The following TFEC variants were observed in gnomAD, a reference collection of about 807,000 sequenced individuals.
The protein encoded by TFEC is class E basic helix-loop-helix protein 34.
A neutral mutation model predicts 41.6 loss-of-function variants in TFEC; 31 were observed. The ratio of observed to expected loss-of-function variants is 0.74; its 90% CI spans 0.56 to 1.01. The LOEUF is 1.01. Among genes scored for constraint, TFEC ranks in the 50% least tolerant of loss-of-function variants. The probability of loss-of-function intolerance (pLI) is 0.00; values close to 1 mark genes in which losing one functional copy is unlikely to be tolerated. For synonymous variants in TFEC, 143 were observed against 140.6 expected (o/e 1.02, Z -0.12); for missense variants, 402 against 404.1 (o/e 0.99, Z 0.04).
At chr7:116,059,201 T>G (rs1164415016) in intron 3 of TFEC, among the ~76,000 whole-genome samples, 1 of 151,764 alleles carries the variant, frequency 6.6e-6, no homozygotes, top group Non-Finnish European at 1.5e-5. Context: ...GCCACAGATA[T>G]TAAAAGGATG....
chr7:116,135,230 T>C (rs756186984), intron 1 of TFEC, among the ~76,000 whole-genome samples: 9 of 152,112 alleles, frequency 5.9e-5, no homozygotes, highest in Non-Finnish European at 1.3e-4. Flanking sequence ...ATATAATCCA[T>C]GTTAAAGCTC....
At chr7:115,974,853 A>G (rs1793312161) in intron 2 of TFEC, among the ~76,000 whole-genome samples, 1 of 152,000 alleles carries the variant, frequency 6.6e-6, no homozygotes, top group Admixed American at 6.6e-5. Context: ...AAAAACAGCA[A>G]TAATTATGAA....
At chr7:116,057,886 A>C (rs1796466179) in intron 3 of TFEC, among the ~76,000 whole-genome samples, 1 of 151,844 alleles carries the variant, frequency 6.6e-6, no homozygotes, top group South Asian at 2.1e-4. Context: ...GAATTATAGT[A>C]AGTAAGCCAA....
chr7:116,121,036 C>T (rs1178967454), intron 1 of TFEC, among the ~76,000 whole-genome samples: 2 of 151,908 alleles, frequency 1.3e-5, no homozygotes, highest in Non-Finnish European at 2.9e-5. Context: ...TCAGCAATTG[C>T]TCTTCTAAGT....
At chr7:116,155,635 T>C (rs1265006011) in intron 1 of TFEC, among the ~76,000 whole-genome samples, 4 of 152,342 alleles carry the variant, frequency 2.6e-5, no homozygotes, top group South Asian at 4.1e-4. Flanking sequence ...AATGCTCTTA[T>C]GCACTTGCTT....
At chr7:116,130,717 A>G (rs1384588303) in intron 1 of TFEC, among the ~76,000 whole-genome samples, 2 of 152,110 alleles carry the variant, frequency 1.3e-5, no homozygotes, top group African/African-American at 4.8e-5. Flanking sequence ...AACTCAAGCA[A>G]TCCTCCCACC....
chr7:116,099,598 A>C (rs1359267228), intron 3 of TFEC, among the ~76,000 whole-genome samples: 2 of 152,242 alleles, frequency 1.3e-5, no homozygotes, highest in African/African-American at 4.8e-5. Context: ...CACACGGCTC[A>C]GCCAACAGTC....
intron 3 of TFEC, among the ~76,000 whole-genome samples, chr7:116,099,756 T>C (rs1797561920): frequency 6.6e-6 from 1 of 152,198 alleles, no homozygotes; most frequent in African/African-American, 2.4e-5. Context: ...AGTAACATAG[T>C]TGTTTTAGGT....
At chr7:116,132,768 A>C (rs1432034169) in intron 1 of TFEC, among the ~76,000 whole-genome samples, 2 of 152,262 alleles carry the variant, frequency 1.3e-5, no homozygotes, top group Non-Finnish European at 2.9e-5. Context: ...TATAGCGTTA[A>C]AACAACTTTT....
At chr7:115,962,444 A>C (rs1792605445) in intron 3 of TFEC, among the ~76,000 whole-genome samples, 1 of 151,800 alleles carries the variant, frequency 6.6e-6, no homozygotes, top group African/African-American at 2.4e-5. Flanking sequence ...AACTTATTAC[A>C]AAGCTGCAGT....
At chr7:115,982,974 T>C (rs1215184393) in intron 2 of TFEC, among the ~76,000 whole-genome samples, 5 of 152,270 alleles carry the variant, frequency 3.3e-5, no homozygotes, top group East Asian at 3.9e-4. Context: ...AACTGGCATA[T>C]GCATATCCTT....
chr7:115,966,823 C>T (rs1204033361), intron 3 of TFEC, among the ~76,000 whole-genome samples: 1 of 151,748 alleles, frequency 6.6e-6, no homozygotes, highest in African/African-American at 2.4e-5. Flanking sequence ...CTTCAATAAG[C>T]ATCCAAATCT....
intron 3 of TFEC, among the ~76,000 whole-genome samples, chr7:116,061,365 T>C (rs1296020575): frequency 6.6e-6 from 1 of 152,058 alleles, no homozygotes; most frequent in Non-Finnish European, 1.5e-5. Context: ...CATAAAAGGG[T>C]AGTCTTTTCA....
intron 3 of TFEC, among the ~76,000 whole-genome samples, chr7:116,093,499 T>C (rs1797375759): frequency 6.6e-6 from 1 of 152,174 alleles, no homozygotes; most frequent in Admixed American, 6.5e-5. Context: ...TGCTCCACAA[T>C]TTAATATATG....
intron 2 of TFEC, among the ~76,000 whole-genome samples, chr7:115,976,908 T>C (rs897452136): frequency 1.1e-4 from 16 of 152,210 alleles, no homozygotes; most frequent in Admixed American, 9.2e-4. Flanking sequence ...CTATAAAGCA[T>C]GCTTAGGTTT....
At chr7:116,084,934 C>T (rs982535169) in intron 3 of TFEC, among the ~76,000 whole-genome samples, 2 of 151,828 alleles carry the variant, frequency 1.3e-5, no homozygotes, top group African/African-American at 4.8e-5. Context: ...GCTGCTGTGA[C>T]TAACGTGTGC....
rs553166915 is a variant in TFEC at position 115,945,809 on chromosome 7, A to C, written c.516-3769T>G. 2.1e-3 allele frequency among the ~76,000 whole-genome samples: 312 copies of C among 151,862 alleles called. 2 individuals carry two copies. The highest frequency in any genetic ancestry group is 7.1e-3 in the African/African-American group (296 of 41,542). On this transcript the variant is annotated intron_variant, in intron 6 of 7. Transcript: ENST00000265440. Reference sequence around the variant, plus strand: ...TTTTCATATTCTAGACCAAGGGTAGACAAACTACGGCCCATAGCTTATTTT... The same window carrying C: ...TTTTCATATTCTAGACCAAGGGTAGCCAAACTACGGCCCATAGCTTATTTT...
intron 1 of TFEC, among the ~76,000 whole-genome samples, chr7:116,028,964 G>A (rs1315343359): frequency 6.6e-6 from 1 of 151,908 alleles, no homozygotes; most frequent in African/African-American, 2.4e-5. Flanking sequence ...ATTTCACTAT[G>A]CTACAAATTT....
At chr7:116,000,276 A>G (rs1375897163) in intron 1 of TFEC, among the ~76,000 whole-genome samples, 1 of 152,042 alleles carries the variant, frequency 6.6e-6, no homozygotes, top group Non-Finnish European at 1.5e-5. Flanking sequence ...CAAGATAAAA[A>G]CCCTCAAAAA....
Sources: allele counts gnomAD v4.1 joint callset (sites outside exome capture counted in the v4.1 genomes callset), GRCh38; gene constraint gnomAD v4.1.1; transcripts MANE v1.5; gene names NCBI Gene and HGNC (gene_info 2026-07-23, HGNC 2026-07-21).